The following SLC9A9 variants were observed in gnomAD, a reference collection of about 807,000 sequenced individuals.
The protein encoded by SLC9A9 is sodium/hydrogen exchanger 9.
In SLC9A9, 62 loss-of-function variants were observed where a neutral mutation model predicts 77.8. The ratio of observed to expected loss-of-function variants is 0.80; its 90% CI spans 0.65 to 0.98. The LOEUF (loss-of-function observed/expected upper bound fraction) is 0.98. Among genes scored for constraint, SLC9A9 ranks in the 50% least tolerant of loss-of-function variants. SLC9A9 has a pLI of 0.00. For missense variants in SLC9A9, 775 were observed against 774.9 expected (o/e 1.00, Z 0.00); for synonymous variants, 320 against 283.5 (o/e 1.13, Z -1.29).
chr3:143,839,030 CT>C lies in SLC9A9; in HGVS notation c.176-6810del, dbSNP rs570813056. Among the ~76,000 whole-genome samples the C allele has an allele frequency of 3.7e-3, 566 of 152,246 alleles. 5 individuals are homozygous for C. Among genetic ancestry groups the C allele is most frequent in the African/African-American group, 0.013 (545 of 41,550 alleles). On this transcript the variant is annotated intron_variant, in intron 1 of 15. Coordinates refer to ENST00000316549, the MANE Select transcript of SLC9A9 (RefSeq NM_173653.4). ...CTAAATGCATTTCCTAACGTTTTCC[CT>C]TTTAGCAATTTAGTTTTGCTCTGAG...
intron 6 of SLC9A9, among the ~76,000 whole-genome samples, chr3:143,618,198 C>G (rs1158287809): frequency 6.6e-6 from 1 of 152,182 alleles, no homozygotes; most frequent in East Asian, 1.9e-4. Flanking sequence ...TTAGGGAATT[C>G]TCAACAGAGT....
intron 13 of SLC9A9, among the ~76,000 whole-genome samples, chr3:143,365,246 G>A (rs1249381683): frequency 6.6e-6 from 1 of 152,126 alleles, no homozygotes; most frequent in Non-Finnish European, 1.5e-5. Context: ...TGGACACAAA[G>A]ATGGAAACAA....
At chr3:143,301,427 T>C (rs6440162) in intron 14 of SLC9A9, among the ~76,000 whole-genome samples, 91,109 of 152,086 alleles carry the variant, frequency 0.6, 29,258 homozygotes, top group African/African-American at 0.81. Context: ...AGCTGTGGCA[T>C]GAAGATTGGC....
chr3:143,497,371 G>A lies in SLC9A9; in HGVS notation c.1090-1923C>T, dbSNP rs553337587. Among the ~76,000 whole-genome samples the A allele has an allele frequency of 2.8e-3, 423 of 152,214 alleles. 1 individual carries two copies. Among genetic ancestry groups the A allele is most frequent in the Middle Eastern group, 0.014 (4 of 294 alleles). ...GTTCATGCCTCCCTAGCTCAAATAT[G>A]GAGCATATAATTTAGGACTAAACCA... On this transcript the variant is annotated intron_variant, in intron 9 of 15. Coordinates refer to ENST00000316549, the MANE Select transcript of SLC9A9 (RefSeq NM_173653.4).
At chr3:143,267,867 T>C (rs1013157950) in intron 15 of SLC9A9, among the ~76,000 whole-genome samples, 1 of 152,228 alleles carries the variant, frequency 6.6e-6, no homozygotes, top group Non-Finnish European at 1.5e-5. Flanking sequence ...ACTAAACTAC[T>C]TGTAGAATGG....
At chr3:143,818,792 G>A (rs1217044714) in intron 2 of SLC9A9, among the ~76,000 whole-genome samples, 1 of 152,046 alleles carries the variant, frequency 6.6e-6, no homozygotes, top group Non-Finnish European at 1.5e-5. Context: ...GTTAAAAACT[G>A]GAGGATCGGC....
At chr3:143,778,684 A>C (rs2007776073) in intron 4 of SLC9A9, among the ~76,000 whole-genome samples, 1 of 152,208 alleles carries the variant, frequency 6.6e-6, no homozygotes, top group East Asian at 1.9e-4. Context: ...TAGAAGGAAA[A>C]AGAGAAAAAC....
At chr3:143,708,219 T>C (rs1934045214) in intron 4 of SLC9A9, among the ~76,000 whole-genome samples, 2 of 152,156 alleles carry the variant, frequency 1.3e-5, no homozygotes, top group Admixed American at 1.3e-4. Flanking sequence ...ATATCCACTA[T>C]CTGGGAGCAT....
At chr3:143,513,237 T>A (rs1254871185) in intron 9 of SLC9A9, among the ~76,000 whole-genome samples, 2 of 152,248 alleles carry the variant, frequency 1.3e-5, no homozygotes, top group Non-Finnish European at 2.9e-5. Flanking sequence ...GGCTGCTTTA[T>A]CAACCAAGTT....
intron 5 of SLC9A9, among the ~76,000 whole-genome samples, chr3:143,656,161 T>G (rs2038884602): frequency 6.6e-6 from 1 of 152,140 alleles, no homozygotes; most frequent in Non-Finnish European, 1.5e-5. Flanking sequence ...ATGTGCAGAA[T>G]ATCTTGGAGG....
At chr3:143,589,820 G>A (rs1016884331) in intron 6 of SLC9A9, among the ~76,000 whole-genome samples, 1 of 152,120 alleles carries the variant, frequency 6.6e-6, no homozygotes, top group African/African-American at 2.4e-5. Context: ...CTGTGACTGG[G>A]GAGTGGAAAT....
intron 6 of SLC9A9, among the ~76,000 whole-genome samples, chr3:143,583,947 C>A (rs114438972): frequency 0.017 from 2,595 of 151,768 alleles, 34 homozygotes; most frequent in South Asian, 0.033. Context: ...GTGTGTGGCA[C>A]ATAGTAAAGT....
chr3:143,436,285 G>A (rs2034620526), intron 12 of SLC9A9, among the ~76,000 whole-genome samples: 1 of 152,218 alleles, frequency 6.6e-6, no homozygotes, highest in Non-Finnish European at 1.5e-5. Context: ...CCTTCTCACA[G>A]GCATGCCCCC....
At chr3:143,486,223 G>T (rs1370856976) in intron 11 of SLC9A9, among the ~76,000 whole-genome samples, 2 of 152,166 alleles carry the variant, frequency 1.3e-5, no homozygotes, top group African/African-American at 2.4e-5. Context: ...CTTCAAAAGT[G>T]AGGGAGAAAT....
At chr3:143,679,199 C>T (rs1932999433) in intron 5 of SLC9A9, among the ~76,000 whole-genome samples, 1 of 152,188 alleles carries the variant, frequency 6.6e-6, no homozygotes, top group African/African-American at 2.4e-5. Context: ...ATGGAGTAAT[C>T]ATTGCTTAGC....
At chr3:143,306,378 C>T (rs1559860613) in intron 14 of SLC9A9, among the ~76,000 whole-genome samples, 1 of 152,220 alleles carries the variant, frequency 6.6e-6, no homozygotes, top group Non-Finnish European at 1.5e-5. Flanking sequence ...AGTTTTCCAC[C>T]TACTGTCTCA....
intron 14 of SLC9A9, among the ~76,000 whole-genome samples, chr3:143,334,103 A>G (rs1267590651): frequency 6.6e-6 from 1 of 152,242 alleles, no homozygotes; most frequent in Non-Finnish European, 1.5e-5. Flanking sequence ...TGTATATGCC[A>G]ATCAATTGGA....
chr3:143,644,949 A>G (rs1560010032), intron 6 of SLC9A9, among the ~76,000 whole-genome samples: 3 of 152,196 alleles, frequency 2.0e-5, no homozygotes. Flanking sequence ...TCTGGTTGTG[A>G]TAACAGTTTC....
At chr3:143,308,869 G>A (rs900476751) in intron 14 of SLC9A9, among the ~76,000 whole-genome samples, 5 of 152,106 alleles carry the variant, frequency 3.3e-5, no homozygotes, top group Non-Finnish European at 7.4e-5. Flanking sequence ...AAAGACACCT[G>A]AATTTTTACT....
Sources: gnomAD v4.1 joint callset for allele counts (sites outside exome capture counted in the v4.1 genomes callset) on GRCh38, gnomAD v4.1.1 for gene constraint, MANE v1.5 for transcripts, NCBI Gene and HGNC (gene_info 2026-07-23, HGNC 2026-07-21) for gene names.